Variants in WIPF1 observed in about 807,000 individuals in gnomAD.
WIPF1 encodes WAS/WASL interacting protein family member 1, also known as WAS/WASL-interacting protein family member 1.
A neutral mutation model predicts 35.4 loss-of-function variants in WIPF1; 13 were observed. The ratio of observed to expected loss-of-function variants is 0.37; its 90% CI spans 0.24 to 0.58. WIPF1 has a LOEUF of 0.58. Among genes scored for constraint, WIPF1 ranks in the 20% least tolerant of loss-of-function variants. WIPF1 has a pLI of 0.74. For missense variants in WIPF1, 591 were observed against 667.0 expected, an observed-to-expected ratio of 0.89 and a Z score of 1.25; for synonymous variants, 267 against 266.3, an observed-to-expected ratio of 1.00 and a Z score of -0.02.
intron 1 of WIPF1, among the ~76,000 whole-genome samples, chr2:174,627,801 G>A (rs1396413480): frequency 2.0e-5 from 3 of 151,952 alleles, no homozygotes; most frequent in African/African-American, 7.3e-5. Flanking sequence ...AGGCCATCTC[G>A]GCCTCCTAGA....
intron 1 of WIPF1, among the ~76,000 whole-genome samples, chr2:174,621,496 C>A (rs1265055440): frequency 1.3e-5 from 2 of 152,002 alleles, no homozygotes; most frequent in African/African-American, 4.8e-5. Flanking sequence ...CAATCTCCCC[C>A]TCCCCTCCAC....
chr2:174,618,497 C>A (rs1000621827), intron 1 of WIPF1, among the ~76,000 whole-genome samples: 1 of 152,170 alleles, frequency 6.6e-6, no homozygotes, highest in Non-Finnish European at 1.5e-5. Context: ...GGTACCTGAA[C>A]CACATCCTAG....
chr2:174,594,665 T>A lies in WIPF1; in HGVS notation c.-39+2936A>T, dbSNP rs1377056684. ...ATTTAGTTCTACCAGAGGATTAAGATGTGCCACTGTTTCTCTCTCTCTCTT... is the reference window on the plus strand; with the variant it reads ...ATTTAGTTCTACCAGAGGATTAAGAAGTGCCACTGTTTCTCTCTCTCTCTT... On this transcript the variant is annotated intron_variant, in intron 1 of 7. Coordinates refer to ENST00000679041, the MANE Select transcript of WIPF1 (RefSeq NM_001375834.1). Among the ~76,000 whole-genome samples the A allele has an allele frequency of 6.0e-5, 8 of 132,522 alleles. 4 individuals are homozygous for A. The highest frequency in any genetic ancestry group is 1.0e-4 in the Non-Finnish European group (6 of 58,242). 86.9% of individuals were successfully genotyped at this position (132,522 alleles called of 152,430 possible). A position where few individuals can be genotyped will look rare whatever the true frequency, so the allele number is the denominator to read the frequency against.
At chr2:174,678,926 T>C (rs960684365) in intron 1 of WIPF1, among the ~76,000 whole-genome samples, 5 of 152,252 alleles carry the variant, frequency 3.3e-5, no homozygotes, top group East Asian at 1.9e-4. Flanking sequence ...TATTGTTCTA[T>C]GTTAATTTAC....
chr2:174,603,713 G>C (rs1376071158), intron 1 of WIPF1, among the ~76,000 whole-genome samples: 1 of 152,124 alleles, frequency 6.6e-6, no homozygotes, highest in Non-Finnish European at 1.5e-5. Context: ...TTTTGGCTGT[G>C]ATCTGCAACC....
intron 1 of WIPF1, among the ~76,000 whole-genome samples, chr2:174,589,936 G>A (rs1258183279): frequency 6.6e-6 from 1 of 152,146 alleles, no homozygotes; most frequent in Non-Finnish European, 1.5e-5. Context: ...GGGTCCCTTT[G>A]GGACTGGGAG....
intron 1 of WIPF1, among the ~76,000 whole-genome samples, chr2:174,638,963 A>G (rs991001012): frequency 2.8e-4 from 42 of 151,756 alleles, no homozygotes; most frequent in African/African-American, 6.0e-4. Context: ...AAATCTCCAT[A>G]CTCCTTTGTT....
chr2:174,605,630 T>C (rs1686136913), intron 1 of WIPF1, among the ~76,000 whole-genome samples: 1 of 152,198 alleles, frequency 6.6e-6, no homozygotes, highest in Admixed American at 6.5e-5. Context: ...TCCCTAACTT[T>C]TAGAGATATA....
At chr2:174,625,413 G>A (rs375643277) in intron 1 of WIPF1, among the ~76,000 whole-genome samples, 7 of 152,298 alleles carry the variant, frequency 4.6e-5, no homozygotes, top group Admixed American at 2.0e-4. Flanking sequence ...TGAAATGCCC[G>A]GGTTTGTTTT....
At chr2:174,647,374 T>G (rs1464741255) in intron 1 of WIPF1, among the ~76,000 whole-genome samples, 1 of 135,886 alleles carries the variant, frequency 7.4e-6, no homozygotes, top group Non-Finnish European at 1.5e-5. Flanking sequence ...TGAGATGCTG[T>G]TTTTTTTTTT....
intron 1 of WIPF1, among the ~76,000 whole-genome samples, chr2:174,636,887 G>C (rs1283585903): frequency 1.3e-5 from 2 of 152,204 alleles, no homozygotes; most frequent in East Asian, 3.8e-4. Context: ...TACTGCTGGT[G>C]TTGCCCTTGA....
upstream of WIPF1, among the ~76,000 whole-genome samples, chr2:174,599,792 ACTCTCTCT>A (rs3049904): frequency 2.7e-5 from 4 of 148,564 alleles, no homozygotes; most frequent in African/African-American, 7.5e-5. Context: ...ACACACACAC[ACTCTCTCT>A]CTCTCTCTCT....
chr2:174,642,661 T>C (rs980292340), intron 1 of WIPF1, among the ~76,000 whole-genome samples: 2 of 148,612 alleles, frequency 1.3e-5, no homozygotes, highest in Non-Finnish European at 2.9e-5. Flanking sequence ...TTGTTGTTGT[T>C]GTTGTTGAGA....
intron 1 of WIPF1, chr2:174,665,707 TTC>T (rs1157436483): frequency 5.3e-5 from 8 of 152,202 alleles, no homozygotes; most frequent in African/African-American, 1.9e-4. Context: ...TTGTTTTTGT[TTC>T]TGTTTATCTA....
chr2:174,613,303 G>A (rs1290316149), intron 1 of WIPF1, among the ~76,000 whole-genome samples: 1 of 152,148 alleles, frequency 6.6e-6, no homozygotes, highest in Non-Finnish European at 1.5e-5. Context: ...ATTTTCATTA[G>A]CCATTATGCA....
chr2:174,593,738 T>G (rs1428581489), intron 1 of WIPF1, among the ~76,000 whole-genome samples: 2 of 152,250 alleles, frequency 1.3e-5, no homozygotes, highest in Non-Finnish European at 2.9e-5. Context: ...GCCTGGAGTT[T>G]CTATTTTATG....
In WIPF1 at chr2:174,611,954, T is replaced by C. The variant is rs570223577; in HGVS notation, c.-38-26343A>G. The stretch of plus-strand genomic sequence containing the variant: ...CTCTATCACCCAGGCCAGAGTGCAG[T>C]GGCATGATCAACTCGCTGCAGCTTC... On this transcript the variant is annotated intron_variant, in intron 1 of 8. Transcript: ENST00000272746. Among the ~76,000 whole-genome samples, 7 of 152,300 alleles carry C rather than the reference T, an allele frequency of 4.6e-5. No individual in the cohort carries two copies. In the East Asian group the frequency reaches 1.4e-3, roughly 29 times the overall value.
intron 7 of WIPF1, 147 bp downstream of exon 7, chr2:174,566,923 T>C (rs948883333): frequency 6.3e-6 from 4 of 633,794 alleles, no homozygotes; most frequent in Non-Finnish European, 1.1e-5. Context: ...CCTCACTGCC[T>C]GTGGAAGGGG....
intron 1 of WIPF1, among the ~76,000 whole-genome samples, chr2:174,609,796 G>T (rs1303307760): frequency 6.6e-6 from 1 of 152,200 alleles, no homozygotes; most frequent in East Asian, 1.9e-4. Context: ...ATGTGCCTGA[G>T]CTCCGTTTAA....
Sources: gnomAD v4.1 joint callset for allele counts (sites outside exome capture counted in the v4.1 genomes callset) on GRCh38, gnomAD v4.1.1 for gene constraint, MANE v1.5 for transcripts, NCBI Gene and HGNC (gene_info 2026-07-23, HGNC 2026-07-21) for gene names.